Variants in PDS5A observed in about 807,000 individuals in gnomAD.
The protein encoded by PDS5A is PDS5 cohesin associated factor A.
In PDS5A, 42 loss-of-function variants were observed where a neutral mutation model predicts 167.1. That is an observed-to-expected ratio of 0.25 (90% CI 0.20 to 0.33). The LOEUF is 0.33. Ranked by LOEUF, PDS5A falls within the 10% of genes least tolerant of loss-of-function variation. The pLI, the probability that PDS5A is intolerant of heterozygous loss-of-function variation, is 1.00. For synonymous variants in PDS5A, 553 were observed against 554.6 expected, an observed-to-expected ratio of 1.00 and a Z score of 0.04; for missense variants, 1,033 against 1,605.9, an observed-to-expected ratio of 0.64 and a Z score of 6.10.
intron 7 of PDS5A, among the ~76,000 whole-genome samples, chr4:39,918,169 C>T (rs1052149466): frequency 9.3e-5 from 10 of 107,572 alleles, no homozygotes; most frequent in Non-Finnish European, 1.8e-4. Context: ...GGAGACAGAA[C>T]AAGACCCTGT....
intron 2 of PDS5A, among the ~76,000 whole-genome samples, chr4:39,952,326 G>A (rs547997263): frequency 9.8e-4 from 149 of 152,228 alleles, no homozygotes; most frequent in African/African-American, 3.1e-3. Flanking sequence ...GTGAGACTCC[G>A]TCTCAAAACA....
intron 28 of PDS5A, chr4:39,847,769 G>GAAGCTCCA (rs1717752584): frequency 6.6e-6 from 1 of 152,086 alleles, no homozygotes; most frequent in South Asian, 2.1e-4. Flanking sequence ...TTCAAAGTAG[G>GAAGCTCCA]AAGCTCCATT....
chr4:39,842,841 A>G (rs1170191944), intron 30 of PDS5A, among the ~76,000 whole-genome samples: 1 of 147,256 alleles, frequency 6.8e-6, no homozygotes, highest in East Asian at 2.0e-4. Flanking sequence ...AATACTTAAC[A>G]TGTTAAAATA....
intron 2 of PDS5A, among the ~76,000 whole-genome samples, chr4:39,948,107 C>G (rs1374826592): frequency 6.7e-6 from 1 of 150,272 alleles, no homozygotes; most frequent in Non-Finnish European, 1.5e-5. Flanking sequence ...TAAAAATTAG[C>G]TGGGTATGGT....
At chr4:39,949,984 C>G (rs373267725) in intron 2 of PDS5A, among the ~76,000 whole-genome samples, 3 of 152,154 alleles carry the variant, frequency 2.0e-5, no homozygotes, top group South Asian at 2.1e-4. Context: ...CGGCTCACCA[C>G]AACCTCCACC....
chr4:39,951,717 G>A (rs182203634), intron 2 of PDS5A, among the ~76,000 whole-genome samples: 3 of 151,924 alleles, frequency 2.0e-5, no homozygotes, highest in South Asian at 2.1e-4. Context: ...TGGCTAACAC[G>A]GTGAAACCCC....
intron 2 of PDS5A, among the ~76,000 whole-genome samples, chr4:39,954,183 A>C (rs533193873): frequency 6.6e-6 from 1 of 151,640 alleles, no homozygotes; most frequent in Admixed American, 6.6e-5. Context: ...TCTACGGAGA[A>C]AAAAAAACAA....
At chr4:39,865,496 T>C (rs1324270030) in intron 23 of PDS5A, among the ~76,000 whole-genome samples, 2 of 152,292 alleles carry the variant, frequency 1.3e-5, no homozygotes, top group Admixed American at 6.5e-5. Flanking sequence ...CTGGGCAACA[T>C]AGTGAGATCC....
At chr4:39,933,049 T>A (rs1166712552) in intron 2 of PDS5A, 2 of 151,986 alleles carry the variant, frequency 1.3e-5, no homozygotes, top group African/African-American at 4.8e-5. Context: ...GTGCCTGTAG[T>A]CCCAGCTACT....
intron 2 of PDS5A, among the ~76,000 whole-genome samples, chr4:39,935,252 G>T (rs1322322965): frequency 6.6e-6 from 1 of 152,072 alleles, no homozygotes; most frequent in Non-Finnish European, 1.5e-5. Context: ...GATTACAGGT[G>T]TGCACCACCA....
chr4:39,869,350 C>T (rs954689775), intron 22 of PDS5A, 44 bp downstream of exon 22: 2 of 1,092,640 alleles, frequency 1.8e-6, no homozygotes, highest in Admixed American at 1.8e-5. Context: ...TACAAAATGT[C>T]CCTTTTTTAA....
rs920612902 is a variant in PDS5A, at chr4:39,945,966, C to T, written c.139-17802G>A. ...CCTGTAATCCTAGCACTTTGGGAGG[C>T]CGTGGAGGGAGGGGGGGATCACTTG... On this transcript the variant is annotated intron_variant, in intron 2 of 32. Transcript: ENST00000303538. Among the ~76,000 whole-genome samples, 7 of 151,774 alleles carry T rather than the reference C, an allele frequency of 4.6e-5. 1 individual carries two copies. Among genetic ancestry groups the T allele is most frequent in the South Asian group, 4.2e-4 (2 of 4,784 alleles).
At chr4:39,860,652 T>A (rs1422632619) in intron 26 of PDS5A, among the ~76,000 whole-genome samples, 1 of 152,052 alleles carries the variant, frequency 6.6e-6, no homozygotes, top group Non-Finnish European at 1.5e-5. Flanking sequence ...AAATTACTCA[T>A]CCATAAAAAA....
At chr4:39,961,054 C>T (rs963247878) in intron 2 of PDS5A, among the ~76,000 whole-genome samples, 2 of 55,040 alleles carry the variant, frequency 3.6e-5, no homozygotes, top group African/African-American at 1.2e-4. Context: ...AAGCAATCCT[C>T]CACCTCGCTC....
chr4:39,853,206 T>G (rs1413581367), intron 26 of PDS5A, among the ~76,000 whole-genome samples: 1 of 152,194 alleles, frequency 6.6e-6, no homozygotes, highest in Non-Finnish European at 1.5e-5. Flanking sequence ...CTCTCAACAT[T>G]TTAATCACTT....
intron 12 of PDS5A, 21 bp from the exon 13 acceptor site, chr4:39,902,481 A>C (rs2109656754): frequency 3.2e-6 from 4 of 1,230,786 alleles, no homozygotes; most frequent in South Asian, 1.3e-5. Flanking sequence ...ACAACAACAA[A>C]AAAAACCTAA....
chr4:39,926,128 A>C (rs1031933396), intron 4 of PDS5A, among the ~76,000 whole-genome samples, 195 bp from the exon 5 acceptor site: 3 of 152,124 alleles, frequency 2.0e-5, no homozygotes, highest in Admixed American at 6.5e-5. Context: ...CAATTTTCTC[A>C]AACTGAAAAA....
intron 32 of PDS5A, among the ~76,000 whole-genome samples, chr4:39,825,869 C>T (rs1049038717): frequency 6.6e-6 from 1 of 152,106 alleles, no homozygotes; most frequent in African/African-American, 2.4e-5. Flanking sequence ...CTCAGATTCA[C>T]TACTGGGATT....
At chr4:39,861,060 T>A (rs13123900) in intron 26 of PDS5A, among the ~76,000 whole-genome samples, 30,694 of 148,804 alleles carry the variant, frequency 0.21, 3,643 homozygotes, top group African/African-American at 0.32. Flanking sequence ...TAAGAACTTG[T>A]CTCATTAAAA....
Sources: allele counts gnomAD v4.1 joint callset (sites outside exome capture counted in the v4.1 genomes callset), GRCh38; gene constraint gnomAD v4.1.1; transcripts MANE v1.5; gene names NCBI Gene and HGNC (gene_info 2026-07-23, HGNC 2026-07-21).